Variants in MCUB observed in about 807,000 individuals in gnomAD.
The protein encoded by MCUB is calcium uniporter regulatory subunit MCUb, mitochondrial.
MCUB carries 46 observed loss-of-function variants against 41.4 expected under a neutral mutation model. The observed-to-expected ratio is 1.11, with a 90% CI of 0.88 to 1.42. The LOEUF is 1.42. Ranked by LOEUF, MCUB falls within the 40% of genes most tolerant of loss-of-function variation. MCUB has a pLI of 0.00. For missense variants in MCUB, 403 were observed against 404.9 expected, an observed-to-expected ratio of 1.00 and a Z score of 0.04; for synonymous variants, 148 against 148.2, an observed-to-expected ratio of 1.00 and a Z score of 0.01.
At chr4:109,565,259 A>T (rs1371748829) in intron 1 of MCUB, among the ~76,000 whole-genome samples, 1 of 152,232 alleles carries the variant, frequency 6.6e-6, no homozygotes, top group South Asian at 2.1e-4. Context: ...TGGGTCAAAA[A>T]TCTGATCCTC....
intron 1 of MCUB, among the ~76,000 whole-genome samples, chr4:109,603,806 G>T (rs1198244568): frequency 6.6e-6 from 1 of 150,996 alleles, no homozygotes; most frequent in South Asian, 2.1e-4. Context: ...CGTCTGGGAG[G>T]TGGGGGGCAC....
At chr4:109,671,548 T>C (rs1729459877) in intron 4 of MCUB, among the ~76,000 whole-genome samples, 1 of 152,166 alleles carries the variant, frequency 6.6e-6, no homozygotes, top group African/African-American at 2.4e-5. Flanking sequence ...TCTGTTACAG[T>C]GGTTTTTATT....
chr4:109,619,019 T>TCTGCCTGC (rs1219406329), intron 1 of MCUB, among the ~76,000 whole-genome samples: 6 of 85,398 alleles, frequency 7.0e-5, no homozygotes, highest in Non-Finnish European at 1.6e-4. Context: ...TACCTACCTA[T>TCTGCCTGC]CTACCTGCCT....
chr4:109,676,795 A>G (rs1579096011), intron 4 of MCUB, among the ~76,000 whole-genome samples: 1 of 152,394 alleles, frequency 6.6e-6, no homozygotes, highest in Middle Eastern at 3.4e-3. Context: ...GGCAGAAGAA[A>G]ATTCTAAGCA....
At chr4:109,593,289 C>G (rs1440393385) in intron 1 of MCUB, among the ~76,000 whole-genome samples, 1 of 143,448 alleles carries the variant, frequency 7.0e-6, no homozygotes, top group South Asian at 2.1e-4. Context: ...GGGAATCACT[C>G]GGATAATAAG....
chr4:109,570,322 T>A (rs779673072), intron 1 of MCUB, among the ~76,000 whole-genome samples: 5 of 152,228 alleles, frequency 3.3e-5, no homozygotes, highest in Non-Finnish European at 7.3e-5. Flanking sequence ...GGAATGTATA[T>A]CTTTGTATTT....
At chr4:109,576,947 G>C (rs1408870952) in intron 1 of MCUB, among the ~76,000 whole-genome samples, 2 of 152,146 alleles carry the variant, frequency 1.3e-5, no homozygotes, top group Non-Finnish European at 2.9e-5. Flanking sequence ...TGCCTCCCAG[G>C]TTCAAGTGAT....
At chr4:109,586,383 G>A (rs1727305888) in intron 1 of MCUB, among the ~76,000 whole-genome samples, 1 of 152,050 alleles carries the variant, frequency 6.6e-6, no homozygotes, top group African/African-American at 2.4e-5. Flanking sequence ...TAGCTTCCTT[G>A]CGATGGGTTC....
intron 1 of MCUB, among the ~76,000 whole-genome samples, chr4:109,624,072 T>C (rs6827415): frequency 0.51 from 77,621 of 151,910 alleles, 20,758 homozygotes; most frequent in South Asian, 0.7. Context: ...AGGCTGGTCT[T>C]AAACTCCTGG....
At chr4:109,652,693 T>C (rs6851190) in intron 1 of MCUB, among the ~76,000 whole-genome samples, 106,957 of 151,986 alleles carry the variant, frequency 0.7, 38,299 homozygotes, top group African/African-American at 0.83. Flanking sequence ...TCCCATTAGA[T>C]CCCACCTCCC....
intron 1 of MCUB, among the ~76,000 whole-genome samples, chr4:109,573,184 G>A (rs538858910): frequency 6.6e-6 from 1 of 152,242 alleles, no homozygotes; most frequent in South Asian, 2.1e-4. Flanking sequence ...TGGGCACGGT[G>A]GCTCACGCCT....
At chr4:109,680,586 G>C in intron 4 of MCUB, among the ~76,000 whole-genome samples, 1 of 151,756 alleles carries the variant, frequency 6.6e-6, no homozygotes, top group African/African-American at 2.4e-5. Flanking sequence ...AAAGGACTCT[G>C]ACTCTTCTAC....
At chr4:109,627,621 TTACTCTC>T (rs373961832) in intron 1 of MCUB, among the ~76,000 whole-genome samples, 76 of 152,262 alleles carry the variant, frequency 5.0e-4, no homozygotes, top group African/African-American at 1.8e-3. Context: ...GGCAAGATCC[TTACTCTC>T]TAGACTGGGC....
At chr4:109,622,175 C>A (rs1189889724) in intron 1 of MCUB, among the ~76,000 whole-genome samples, 2 of 152,166 alleles carry the variant, frequency 1.3e-5, no homozygotes, top group Non-Finnish European at 2.9e-5. Flanking sequence ...AGCCACTGTG[C>A]CTGGTGAGCA....
intron 1 of MCUB, among the ~76,000 whole-genome samples, chr4:109,587,626 C>T (rs1727342308): frequency 6.6e-6 from 1 of 152,088 alleles, no homozygotes; most frequent in Non-Finnish European, 1.5e-5. Context: ...TAAAAAATTA[C>T]TTTTACAGGT....
At chr4:109,585,112 T>C (rs985005165) in intron 1 of MCUB, among the ~76,000 whole-genome samples, 2 of 151,810 alleles carry the variant, frequency 1.3e-5, no homozygotes, top group Non-Finnish European at 3.0e-5. Flanking sequence ...AAGAACTTGC[T>C]TTATGGATCT....
chr4:109,614,434 A>G (rs1457602896), intron 1 of MCUB, among the ~76,000 whole-genome samples: 1 of 151,866 alleles, frequency 6.6e-6, no homozygotes, highest in African/African-American at 2.4e-5. Context: ...TGTCTTTACA[A>G]GAAGAAACAG....
chr4:109,687,506 C>T lies in MCUB; in HGVS notation c.934-9C>T. On this transcript the variant is annotated splice_polypyrimidine_tract_variant and intron_variant, in intron 7 of 7. Coordinates refer to ENST00000394650, the MANE Select transcript of MCUB (RefSeq NM_017918.5). ...TCTGATCACATGCTTTTTCTTTTTCCCATGACAGGCTAAAGAATCCCTGAA... is the reference window on the plus strand; with the variant it reads ...TCTGATCACATGCTTTTTCTTTTTCTCATGACAGGCTAAAGAATCCCTGAA... 1 of 1,601,256 alleles carries T rather than the reference C, an allele frequency of 6.2e-7. No individual in the cohort carries two copies. The highest frequency in any genetic ancestry group is 2.2e-5 in the East Asian group (1 of 44,734).
chr4:109,681,840 C>T (rs1183668281), intron 4 of MCUB, among the ~76,000 whole-genome samples: 2 of 152,114 alleles, frequency 1.3e-5, no homozygotes, highest in East Asian at 1.9e-4. Flanking sequence ...AAGCTCAGCT[C>T]GAGCAGTAAC....
Sources: allele counts gnomAD v4.1 joint callset (sites outside exome capture counted in the v4.1 genomes callset), GRCh38; gene constraint gnomAD v4.1.1; transcripts MANE v1.5; gene names NCBI Gene and HGNC (gene_info 2026-07-23, HGNC 2026-07-21).